The following CDYL2 variants were observed in gnomAD, a reference collection of about 807,000 sequenced individuals.
CDYL2 encodes the protein chromodomain Y like 2, also known as chromodomain Y-like protein 2.
CDYL2 carries 23 observed loss-of-function variants against 49.4 expected under a neutral mutation model. The ratio of observed to expected loss-of-function variants is 0.47; its 90% CI spans 0.34 to 0.66. CDYL2 has a LOEUF of 0.66. Among genes scored for constraint, CDYL2 ranks in the 30% least tolerant of loss-of-function variants. The probability of loss-of-function intolerance (pLI) is 0.01; values close to 1 mark genes in which losing one functional copy is unlikely to be tolerated. For missense variants in CDYL2, 678 were observed against 656.4 expected (o/e 1.03, Z -0.36); for synonymous variants, 360 against 268.8 (o/e 1.34, Z -3.32).
intron 1 of CDYL2, among the ~76,000 whole-genome samples, chr16:80,788,047 A>G (rs1907492933): frequency 6.6e-6 from 1 of 152,180 alleles, no homozygotes; most frequent in Non-Finnish European, 1.5e-5. Flanking sequence ...TATCCTGCCA[A>G]TTCCAACCGT....
At chr16:80,717,004 TGATGGATG>T (rs60811461) in intron 1 of CDYL2, among the ~76,000 whole-genome samples, 68 of 147,454 alleles carry the variant, frequency 4.6e-4, no homozygotes, top group South Asian at 4.4e-3. Flanking sequence ...ATGATTCAAT[TGATGGATG>T]GATGGATGGA....
intron 1 of CDYL2, among the ~76,000 whole-genome samples, chr16:80,711,549 G>A (rs562508293): frequency 6.6e-6 from 1 of 152,294 alleles, no homozygotes; most frequent in Non-Finnish European, 1.5e-5. Flanking sequence ...AAGTGGAAGA[G>A]AGCTCAAGGT....
chr16:80,754,218 G>C (rs1274067625), intron 1 of CDYL2, among the ~76,000 whole-genome samples: 3 of 152,130 alleles, frequency 2.0e-5, no homozygotes, highest in Non-Finnish European at 4.4e-5. Flanking sequence ...ATCAATCCTT[G>C]CCAACCAGTG....
chr16:80,656,081 T>G (rs1249457717), intron 2 of CDYL2, among the ~76,000 whole-genome samples: 2 of 152,150 alleles, frequency 1.3e-5, no homozygotes, highest in African/African-American at 4.8e-5. Context: ...ATATGAGAAA[T>G]GAGATTCAAT....
intron 1 of CDYL2, among the ~76,000 whole-genome samples, chr16:80,780,756 A>G (rs1384382801): frequency 6.6e-6 from 1 of 152,086 alleles, no homozygotes; most frequent in African/African-American, 2.4e-5. Context: ...ATCATTTCGA[A>G]TACTATTCTA....
At position 80,608,185 on chromosome 16, in the gene CDYL2, G is replaced by A. The variant is rs1322964712; in HGVS notation, c.1269C>T (p.Cys423=). 4 of 1,600,912 alleles carry A rather than the reference G, an allele frequency of 2.5e-6. No individual in the cohort carries two copies. Among genetic ancestry groups the A allele is most frequent in the Non-Finnish European group, 2.6e-6 (3 of 1,173,722 alleles). The change falls in exon 6 of 7, where the codon TGC becomes TGT. Residue 423 remains cysteine, a synonymous_variant. Transcript: ENST00000570137. ...AGACCTGCGACACCAGCCCCCTGCTGCAGGCCTCCTGGGCGGTGAGCTTCC... is the reference window on the plus strand; with the variant it reads ...AGACCTGCGACACCAGCCCCCTGCTACAGGCCTCCTGGGCGGTGAGCTTCC... ...CGRKLTAQEA[C]SRGLVSQVFW...
intron 1 of CDYL2, among the ~76,000 whole-genome samples, chr16:80,772,405 TTCAAGATGTCTAAGGTCTCTGAATTG>T (rs1567602216): frequency 6.6e-6 from 1 of 152,190 alleles, no homozygotes; most frequent in East Asian, 1.9e-4. Flanking sequence ...ATAAACTGGA[TTCAAGATGTCTAAGGTCTCTGAATTG>T]TCTGGGAATA....
At chr16:80,724,362 T>G (rs1905099032) in intron 1 of CDYL2, among the ~76,000 whole-genome samples, 1 of 152,070 alleles carries the variant, frequency 6.6e-6, no homozygotes, top group African/African-American at 2.4e-5. Flanking sequence ...TAGAAGGACC[T>G]AGAGAAATTA....
Position 80,732,916 on chromosome 16 carries a change from A to C in CDYL2, c.25-47787T>G, listed in dbSNP as rs1905380873. Among the ~76,000 whole-genome samples, 3 of 152,080 alleles carry C rather than the reference A, an allele frequency of 2.0e-5. No homozygotes were observed. The South Asian group carries it at 6.2e-4, about 32-fold the overall frequency. ...ATGGAAAATACACACACACATAAAC[A>C]CACATCTATTATTTTTTAATTATTT... On this transcript the variant is annotated intron_variant, in intron 1 of 6. Coordinates refer to ENST00000570137, the MANE Select transcript of CDYL2 (RefSeq NM_152342.4).
rs1320938935 is a variant in CDYL2, at chr16:80,598,466, C to T, written c.*5922G>A. The T allele has an allele frequency of 6.6e-6, 1 of 152,086 alleles. No homozygotes were observed. Among genetic ancestry groups the T allele is most frequent in the African/African-American group, 2.4e-5 (1 of 41,408 alleles). The allele number at this position is 152,086 out of a possible 1,614,324, so 9.4% of individuals were successfully genotyped here. ...ATCATGAATGAGAATGGAGAGAGAA[C>T]TGAAGACAATTCTTCTCACACCTAA... On this transcript the variant is annotated 3_prime_UTR_variant, in exon 7 of 7. Transcript: ENST00000570137.
chr16:80,801,665 T>C (rs1473311629), intron 1 of CDYL2, among the ~76,000 whole-genome samples: 1 of 152,260 alleles, frequency 6.6e-6, no homozygotes, highest in African/African-American at 2.4e-5. Flanking sequence ...ACAGGTCTCA[T>C]AATTTAGAAT....
At chr16:80,796,840 C>T (rs752003394) in intron 1 of CDYL2, among the ~76,000 whole-genome samples, 20 of 152,154 alleles carry the variant, frequency 1.3e-4, no homozygotes, top group Non-Finnish European at 2.6e-4. Context: ...TTCCTCATCA[C>T]ACTGCAATCA....
At chr16:80,787,643 T>C (rs1423131255) in intron 1 of CDYL2, among the ~76,000 whole-genome samples, 2 of 152,160 alleles carry the variant, frequency 1.3e-5, no homozygotes, top group East Asian at 1.9e-4. Flanking sequence ...TATTATCTCA[T>C]ATCTCAGTTT....
intron 1 of CDYL2, among the ~76,000 whole-genome samples, chr16:80,706,060 C>T (rs1443826800): frequency 6.6e-6 from 1 of 152,218 alleles, no homozygotes; most frequent in East Asian, 1.9e-4. Context: ...AACTTAGCAT[C>T]CAGTGTAGAA....
chr16:80,739,809 A>C (rs1465487438), intron 1 of CDYL2, among the ~76,000 whole-genome samples: 2 of 152,186 alleles, frequency 1.3e-5, no homozygotes, highest in Non-Finnish European at 2.9e-5. Context: ...GAAACTCCCC[A>C]AAAACAGAAG....
chr16:80,696,263 G>A (rs565923304), intron 1 of CDYL2, among the ~76,000 whole-genome samples: 1 of 152,192 alleles, frequency 6.6e-6, no homozygotes, highest in East Asian at 1.9e-4. Flanking sequence ...AAGAGAGAAG[G>A]TAATAGCAAT....
chr16:80,679,117 T>C (rs1403244923), intron 2 of CDYL2, among the ~76,000 whole-genome samples: 1 of 58,546 alleles, frequency 1.7e-5, no homozygotes, highest in Non-Finnish European at 3.0e-5. Context: ...TGTTGTGGGG[T>C]GGGGGGAGGG....
chr16:80,717,935 A>G (rs1480721793), intron 1 of CDYL2, among the ~76,000 whole-genome samples: 1 of 152,184 alleles, frequency 6.6e-6, no homozygotes, highest in African/African-American at 2.4e-5. Flanking sequence ...TGTTTCTAAT[A>G]AGTTTCTCCA....
At chr16:80,704,812 T>C (rs1358583347) in intron 1 of CDYL2, among the ~76,000 whole-genome samples, 2 of 152,192 alleles carry the variant, frequency 1.3e-5, no homozygotes, top group African/African-American at 2.4e-5. Flanking sequence ...CAAAAGGGAC[T>C]GGGGCATGTT....
Sources: allele counts gnomAD v4.1 joint callset (sites outside exome capture counted in the v4.1 genomes callset), GRCh38; gene constraint gnomAD v4.1.1; transcripts MANE v1.5; gene names NCBI Gene and HGNC (gene_info 2026-07-23, HGNC 2026-07-21).